Variants in IPO5 observed in about 807,000 individuals in gnomAD.
The protein encoded by IPO5 is importin 5.
In IPO5, 18 loss-of-function variants were observed where a neutral mutation model predicts 143.3. The ratio of observed to expected loss-of-function variants is 0.13; its 90% CI spans 0.09 to 0.19. IPO5 has a LOEUF of 0.19. Among genes scored for constraint, IPO5 ranks in the 10% least tolerant of loss-of-function variants. The pLI, the probability that IPO5 is intolerant of heterozygous loss-of-function variation, is 1.00. For synonymous variants in IPO5, 477 were observed against 465.7 expected (o/e 1.02, Z -0.31); for missense variants, 1,013 against 1,336.9 (o/e 0.76, Z 3.78).
intron 5 of IPO5, among the ~76,000 whole-genome samples, chr13:97,983,673 A>G (rs1294082136): frequency 6.6e-6 from 1 of 151,902 alleles, no homozygotes; most frequent in Non-Finnish European, 1.5e-5. Flanking sequence ...AAAACATTAC[A>G]TTTAGAGTTT....
intron 6 of IPO5, among the ~76,000 whole-genome samples, chr13:97,986,347 T>C (rs1338177983): frequency 6.6e-6 from 1 of 151,562 alleles, no homozygotes; most frequent in African/African-American, 2.4e-5. Context: ...GTAGCTATAC[T>C]ATGTATATAT....
chr13:97,980,768 A>G (rs1594054700), intron 4 of IPO5, among the ~76,000 whole-genome samples: 2 of 150,884 alleles, frequency 1.3e-5, no homozygotes, highest in South Asian at 2.1e-4. Context: ...CAGAGGTTGC[A>G]GTGAGCCGAG....
In IPO5 at chr13:98,012,266, A is replaced by G. The variant is rs145534492; in HGVS notation, c.2076A>G (p.Leu692=). ...TACAGGTTTGCTATGCTAAGGAGTT[A>G]AAGGAAGGCTTTGTGGAGTACACCG... ...CQMLVCYAKE[L]KEGFVEYTEQ... Residue 692 remains leucine (L), a synonymous_variant, in exon 21 of 29, where the codon TTA becomes TTG. Transcript: ENST00000651721. 4.3e-6 allele frequency: 7 copies of G among 1,610,434 alleles called. No homozygotes were observed. Among genetic ancestry groups the G allele is most frequent in the Middle Eastern group, 1.7e-4 (1 of 6,052 alleles).
chr13:98,023,974 C>T lies in IPO5; in HGVS notation c.*2152C>T, dbSNP rs1418183795. On this transcript the variant is annotated 3_prime_UTR_variant, in exon 29 of 29. Coordinates refer to ENST00000651721, the MANE Select transcript of IPO5 (RefSeq NM_002271.6). ...AAGATGAAAATCCATGGAGTTTTTTCTTGGCTTTTGTACCAAATTTAGGGG... is the reference window on the plus strand; with the variant it reads ...AAGATGAAAATCCATGGAGTTTTTTTTTGGCTTTTGTACCAAATTTAGGGG... The T allele has an allele frequency of 6.6e-6, 1 of 152,070 alleles. No individual in the cohort carries two copies. Among genetic ancestry groups the T allele is most frequent in the East Asian group, 1.9e-4 (1 of 5,190 alleles). The allele number at this position is 152,070 out of a possible 1,614,324, so 9.4% of individuals were successfully genotyped here.
At chr13:97,988,783 A>G (rs1887582672) in intron 6 of IPO5, among the ~76,000 whole-genome samples, 1 of 152,150 alleles carries the variant, frequency 6.6e-6, no homozygotes, top group Non-Finnish European at 1.5e-5. Flanking sequence ...GTGAAACTCC[A>G]TCTAAAAAAA....
rs551858053 is a variant in IPO5, at chr13:98,012,488, C to T, written c.2152+146C>T. 26 of 599,902 alleles carry T rather than the reference C, an allele frequency of 4.3e-5. No homozygotes were observed. The East Asian group carries it at 5.6e-4, about 13-fold the overall frequency. 37.2% of individuals were successfully genotyped at this position (599,902 alleles called of 1,614,324 possible). A position where few individuals can be genotyped will look rare whatever the true frequency, so the allele number is the denominator to read the frequency against. On this transcript the variant is annotated intron_variant, in intron 21 of 28. Coordinates refer to ENST00000651721, the MANE Select transcript of IPO5 (RefSeq NM_002271.6). ...GTACTCTTAGGTGATAAACTCGGTT[C>T]TCTGCATGTGCCTTTGTTTCCACTT...
chr13:98,021,311 ATTAT>A, intron 28 of IPO5, 178 bp downstream of exon 28: 1 of 459,122 alleles, frequency 2.2e-6, no homozygotes, highest in Non-Finnish European at 3.6e-6. Flanking sequence ...GTATGTACTT[ATTAT>A]TTATTAGAAT....
At chr13:98,000,396 A>T in intron 12 of IPO5, 143 bp from the exon 13 acceptor site, 1 of 570,348 alleles carries the variant, frequency 1.8e-6, no homozygotes, top group Non-Finnish European at 3.1e-6. Context: ...TTAACCCCTA[A>T]TTTCAATTCC....
chr13:97,974,040 G>A (rs1886052284), intron 3 of IPO5, among the ~76,000 whole-genome samples: 1 of 152,100 alleles, frequency 6.6e-6, no homozygotes, highest in Non-Finnish European at 1.5e-5. Flanking sequence ...TCCACCCTGG[G>A]CAACAGAGTG....
At chr13:97,989,688 C>G (rs1030328002) in intron 7 of IPO5, among the ~76,000 whole-genome samples, 1 of 152,168 alleles carries the variant, frequency 6.6e-6, no homozygotes, top group Non-Finnish European at 1.5e-5. Context: ...TGCTCAAGAT[C>G]ATACACATTT....
intron 24 of IPO5, among the ~76,000 whole-genome samples, chr13:98,016,273 T>C (rs1890117997): frequency 1.3e-5 from 2 of 152,190 alleles, no homozygotes. Context: ...TGCTACCGTG[T>C]AGGTAGTACC....
At chr13:97,967,842 A>G (rs1225719191) in intron 2 of IPO5, among the ~76,000 whole-genome samples, 4 of 152,196 alleles carry the variant, frequency 2.6e-5, no homozygotes, top group Non-Finnish European at 5.9e-5. Context: ...CATGTTAGCC[A>G]GGATGGTCTT....
At chr13:98,017,732 A>T (rs1370964452) in intron 25 of IPO5, among the ~76,000 whole-genome samples, 1 of 152,250 alleles carries the variant, frequency 6.6e-6, no homozygotes, top group Non-Finnish European at 1.5e-5. Flanking sequence ...AGTAGTAGAT[A>T]CATGTGTTTC....
chr13:97,960,183 G>A (rs374680867), intron 2 of IPO5: 3 of 152,200 alleles, frequency 2.0e-5, no homozygotes, highest in African/African-American at 7.2e-5. Context: ...TCACAATTCA[G>A]ACTCCATTAT....
At chr13:97,979,875 A>C in intron 4 of IPO5, 1 of 456,644 alleles carries the variant, frequency 2.2e-6, no homozygotes, top group Non-Finnish European at 4.4e-6. Context: ...AATATACCTG[A>C]TTGTTGAGGA....
intron 3 of IPO5, among the ~76,000 whole-genome samples, chr13:97,970,539 T>C (rs1427078319): frequency 6.6e-6 from 1 of 152,090 alleles, no homozygotes; most frequent in Admixed American, 6.5e-5. Context: ...GAGAATCGCT[T>C]GAACCCGGGA....
intron 17 of IPO5, 145 bp from the exon 18 acceptor site, chr13:98,007,914 G>T: frequency 1.7e-6 from 1 of 587,216 alleles, no homozygotes. Context: ...TCACAATATA[G>T]ATGAGAATTT....
chr13:97,976,011 G>C, intron 3 of IPO5: 1 of 952,384 alleles, frequency 1.0e-6, no homozygotes, highest in Non-Finnish European at 1.3e-6. Context: ...CGTAGGAAGT[G>C]GGTCTAAAGG....
Position 98,014,024 on chromosome 13 carries a change from G to A in IPO5, c.2153-18G>A. 1.2e-6 allele frequency: 2 copies of A among 1,601,566 alleles called. No individual in the cohort carries two copies. Among genetic ancestry groups the A allele is most frequent in the Non-Finnish European group, 8.5e-7 (1 of 1,175,090 alleles). ...GCAAAATAATAAACAGTCTTTTGAG[G>A]TTCCTTAACAATGAAACGTGTTCGA... On this transcript the variant is annotated intron_variant, in intron 21 of 28. Coordinates refer to ENST00000651721, the MANE Select transcript of IPO5 (RefSeq NM_002271.6).
Sources: gnomAD v4.1 joint callset for allele counts (sites outside exome capture counted in the v4.1 genomes callset) on GRCh38, gnomAD v4.1.1 for gene constraint, MANE v1.5 for transcripts, NCBI Gene and HGNC (gene_info 2026-07-23, HGNC 2026-07-21) for gene names.